Variants in FAM133A observed in about 807,000 individuals in gnomAD.
The protein encoded by FAM133A is family with sequence similarity 133 member A.
For missense variants in FAM133A, 159 were observed against 164.4 expected (o/e 0.97, Z 0.18); for synonymous variants, 65 against 58.6 (o/e 1.11, Z -0.50).
chrX:93,694,936 A>G (rs1240045550), intron 2 of FAM133A, among the ~76,000 whole-genome samples: 2 of 112,026 alleles, frequency 1.8e-5, no homozygotes, highest in Non-Finnish European at 3.8e-5. Context: ...AATATTTCCC[A>G]GTATAAGCTA....
chrX:93,680,549 T>C (rs183474944), intron 2 of FAM133A, among the ~76,000 whole-genome samples: 287 of 111,455 alleles, frequency 2.6e-3, no homozygotes, highest in African/African-American at 9.0e-3. Context: ...GCTATACTAA[T>C]CCACATTACC....
intron 2 of FAM133A, among the ~76,000 whole-genome samples, chrX:93,675,587 A>G (rs2147569182): frequency 9.0e-6 from 1 of 111,690 alleles, no homozygotes; most frequent in East Asian, 2.8e-4. Context: ...AAAATTGGTC[A>G]TAAGATAAAT....
chrX:93,708,994 C>G (rs1181993354), intron 3 of FAM133A, among the ~76,000 whole-genome samples: 1 of 111,006 alleles, frequency 9.0e-6, no homozygotes. Context: ...AAATTTCTCT[C>G]TATATACTAT....
intron 2 of FAM133A, among the ~76,000 whole-genome samples, chrX:93,680,806 GTTGT>G (rs1466425225): frequency 9.0e-6 from 1 of 111,483 alleles, no homozygotes; most frequent in Non-Finnish European, 1.9e-5. Flanking sequence ...AAATTACTGA[GTTGT>G]TTGAGTTCCT....
chrX:93,697,015 C>A (rs1214469979), intron 2 of FAM133A, among the ~76,000 whole-genome samples: 1 of 109,657 alleles, frequency 9.1e-6, no homozygotes, highest in South Asian at 3.9e-4. Flanking sequence ...AGTCTATATA[C>A]CCCTTCCCTT....
chrX:93,696,793 G>A (rs1051723618), intron 2 of FAM133A, among the ~76,000 whole-genome samples: 2 of 110,132 alleles, frequency 1.8e-5, no homozygotes, highest in South Asian at 7.9e-4. Flanking sequence ...GGTGGCGGGT[G>A]CCTGTAGTCC....
intron 2 of FAM133A, among the ~76,000 whole-genome samples, chrX:93,677,986 T>G (rs1409165019): frequency 2.7e-5 from 3 of 112,121 alleles, no homozygotes; most frequent in Admixed American, 1.9e-4. Context: ...AAATTACCTG[T>G]TTTCCAAAGT....
intron 3 of FAM133A, among the ~76,000 whole-genome samples, chrX:93,699,421 A>G (rs531219010): frequency 2.7e-5 from 3 of 111,432 alleles, no homozygotes; most frequent in Admixed American, 1.9e-4. Context: ...CATAAATACT[A>G]AATTTATTCA....
intron 2 of FAM133A, among the ~76,000 whole-genome samples, chrX:93,697,294 G>A (rs761500752): frequency 0.013 from 1,434 of 108,815 alleles, 28 homozygotes; most frequent in African/African-American, 0.047. Context: ...TTTTCAGAGA[G>A]AAGTTTCTCC....
intron 2 of FAM133A, among the ~76,000 whole-genome samples, chrX:93,681,097 T>G (rs1433491911): frequency 9.0e-6 from 1 of 111,309 alleles, no homozygotes; most frequent in Non-Finnish European, 1.9e-5. Context: ...CTGAAGAATT[T>G]CCATCCTACA....
At chrX:93,695,501 C>T (rs1031656063) in intron 2 of FAM133A, among the ~76,000 whole-genome samples, 2 of 110,469 alleles carry the variant, frequency 1.8e-5, no homozygotes, top group Non-Finnish European at 3.8e-5. Context: ...GATCTGCCCG[C>T]CTAGGCCTCC....
chrX:93,680,054 G>A (rs1925023206), intron 2 of FAM133A, among the ~76,000 whole-genome samples: 1 of 104,725 alleles, frequency 9.5e-6, no homozygotes, highest in Non-Finnish European at 1.9e-5. Flanking sequence ...TGGGATTACA[G>A]GCATGAGCCA....
intron 2 of FAM133A, among the ~76,000 whole-genome samples, chrX:93,681,980 G>T (rs776520027): frequency 9.9e-5 from 11 of 111,543 alleles, no homozygotes; most frequent in Non-Finnish European, 1.7e-4. Flanking sequence ...CCCCCAAACT[G>T]CCCCTTAGCC....
intron 2 of FAM133A, among the ~76,000 whole-genome samples, chrX:93,695,380 A>G (rs1926163562): frequency 9.1e-6 from 1 of 110,090 alleles, no homozygotes; most frequent in African/African-American, 3.3e-5. Flanking sequence ...CAGCTTCCCG[A>G]GTAGCTGGGA....
intron 2 of FAM133A, among the ~76,000 whole-genome samples, chrX:93,693,350 TGAGA>T (rs770514811): frequency 6.4e-5 from 7 of 108,863 alleles, no homozygotes; most frequent in African/African-American, 1.0e-4. Flanking sequence ...CCTAAAAGCT[TGAGA>T]GAGAGAGAGA....
At chrX:93,703,418 G>A (rs141866458) in intron 3 of FAM133A, among the ~76,000 whole-genome samples, 1,382 of 110,892 alleles carry the variant, frequency 0.012, 8 homozygotes, top group Non-Finnish European at 0.02. Context: ...GTTAACAATA[G>A]TGTGTCAGTA....
rs1041199000 is a variant in FAM133A, at chrX:93,710,455, G to A, written c.*289G>A. 11 of 236,007 alleles carry A rather than the reference G, an allele frequency of 4.7e-5. No homozygotes were observed. Among genetic ancestry groups the A allele is most frequent in the East Asian group, 3.6e-4 (5 of 13,738 alleles). 19.4% of individuals were successfully genotyped at this position (236,007 alleles called of 1,213,427 possible). On this transcript the variant is annotated 3_prime_UTR_variant, in exon 4 of 4. Coordinates refer to ENST00000683942, the MANE Select transcript of FAM133A (RefSeq NM_001171109.2). ...AAAAAAAGTGTATCTAAGGTTAAAT[G>A]TATCTAATTCGAATACATCTTTGAA...
At chrX:93,698,233 A>T (rs893503281) in intron 2 of FAM133A, among the ~76,000 whole-genome samples, 164 bp from the exon 3 acceptor site, 12 of 111,762 alleles carry the variant, frequency 1.1e-4, no homozygotes, top group Non-Finnish European at 1.9e-5. Flanking sequence ...GGGGTGATTA[A>T]TTTGCCTGAT....
intron 2 of FAM133A, among the ~76,000 whole-genome samples, chrX:93,680,641 C>T (rs1176605111): frequency 9.0e-6 from 1 of 111,619 alleles, no homozygotes. Context: ...GCTGTCCTAA[C>T]AGGCATGAGA....
Sources: allele counts gnomAD v4.1 joint callset (sites outside exome capture counted in the v4.1 genomes callset), GRCh38; gene constraint gnomAD v4.1.1; transcripts MANE v1.5; gene names NCBI Gene and HGNC (gene_info 2026-07-23, HGNC 2026-07-21).